Variants in PTPN4 observed in about 807,000 individuals in gnomAD.
PTPN4 encodes the protein tyrosine-protein phosphatase non-receptor type 4.
In PTPN4, 49 loss-of-function variants were observed where a neutral mutation model predicts 135.5. That is an observed-to-expected ratio of 0.36 (90% CI 0.29 to 0.46). The LOEUF is 0.46. Ranked by LOEUF, PTPN4 falls within the 20% of genes least tolerant of loss-of-function variation. The pLI, the probability that PTPN4 is intolerant of heterozygous loss-of-function variation, is 1.00. For missense variants in PTPN4, 860 were observed against 1,101.0 expected, an observed-to-expected ratio of 0.78 and a Z score of 3.10; for synonymous variants, 333 against 369.9, an observed-to-expected ratio of 0.90 and a Z score of 1.14.
intron 15 of PTPN4, among the ~76,000 whole-genome samples, chr2:119,939,494 T>G (rs1679031496): frequency 6.6e-6 from 1 of 152,132 alleles, no homozygotes; most frequent in South Asian, 2.1e-4. Flanking sequence ...GGAAACAGGG[T>G]TGCATCATGT....
chr2:119,773,313 C>T (rs1330943773), intron 1 of PTPN4, among the ~76,000 whole-genome samples: 1 of 151,922 alleles, frequency 6.6e-6, no homozygotes, highest in Non-Finnish European at 1.5e-5. Context: ...TGGATTTGAA[C>T]TGTGTGGGTC....
At chr2:119,843,405 G>A (rs1267573069) in intron 2 of PTPN4, among the ~76,000 whole-genome samples, 19 of 140,790 alleles carry the variant, frequency 1.3e-4, no homozygotes, top group Admixed American at 3.5e-4. Flanking sequence ...ACACAGACAC[G>A]GCAACCATCC....
chr2:119,861,518 A>G (rs775439009), intron 2 of PTPN4, among the ~76,000 whole-genome samples: 18 of 152,210 alleles, frequency 1.2e-4, no homozygotes, highest in Non-Finnish European at 2.2e-4. Flanking sequence ...TTTGTTTGCT[A>G]CTTATGTTAA....
At chr2:119,920,584 C>A (rs1170239442) in intron 12 of PTPN4, among the ~76,000 whole-genome samples, 1 of 152,136 alleles carries the variant, frequency 6.6e-6, no homozygotes, top group East Asian at 1.9e-4. Context: ...CTAAGACACC[C>A]AAGGTATCTT....
intron 2 of PTPN4, among the ~76,000 whole-genome samples, chr2:119,824,770 C>T (rs1574353908): frequency 6.6e-6 from 1 of 151,448 alleles, no homozygotes; most frequent in Non-Finnish European, 1.5e-5. Flanking sequence ...TCACTGCAGC[C>T]TCTGCCTCCC....
intron 3 of PTPN4, among the ~76,000 whole-genome samples, chr2:119,876,897 A>ATGTG (rs3835789): frequency 0.088 from 11,909 of 135,908 alleles, 566 homozygotes; most frequent in Middle Eastern, 0.15. Context: ...GCCCAAGAGC[A>ATGTG]TGTGTGTGTG....
chr2:119,838,306 C>A (rs576812428), intron 2 of PTPN4, among the ~76,000 whole-genome samples: 3 of 152,002 alleles, frequency 2.0e-5, no homozygotes, highest in African/African-American at 7.2e-5. Context: ...GTCAAGTGGG[C>A]GGAACAAGCC....
At position 119,967,777 on chromosome 2, in the gene PTPN4, G is replaced by A. The variant is rs553564095; in HGVS notation, c.2559-60G>A. Reference sequence around the variant, plus strand: ...TTATAATTCAGTTTTATGCACAAAAGCCACAAGTAGTTTAACAGAATAGTA... The same window carrying A: ...TTATAATTCAGTTTTATGCACAAAAACCACAAGTAGTTTAACAGAATAGTA... On this transcript the variant is annotated intron_variant, in intron 25 of 26. Coordinates refer to ENST00000263708, the MANE Select transcript of PTPN4 (RefSeq NM_002830.4). 78 of 1,375,204 alleles carry A rather than the reference G, an allele frequency of 5.7e-5. No individual in the cohort carries two copies. The South Asian group carries it at 1.3e-3, about 23-fold the overall frequency. 85.2% of individuals were successfully genotyped at this position (1,375,204 alleles called of 1,614,324 possible).
At chr2:119,930,756 T>C (rs978556959) in intron 13 of PTPN4, among the ~76,000 whole-genome samples, 6 of 152,096 alleles carry the variant, frequency 3.9e-5, no homozygotes, top group African/African-American at 1.4e-4. Flanking sequence ...TGTATCAGAA[T>C]TCTAATGTTA....
intron 2 of PTPN4, among the ~76,000 whole-genome samples, chr2:119,811,080 G>C (rs928016607): frequency 7.0e-4 from 107 of 152,120 alleles, no homozygotes; most frequent in African/African-American, 2.4e-3. Context: ...GGGCCAGTCG[G>C]GGGATTAGGG....
intron 10 of PTPN4, among the ~76,000 whole-genome samples, chr2:119,906,521 T>C (rs1394746294): frequency 2.0e-5 from 3 of 152,214 alleles, no homozygotes; most frequent in African/African-American, 7.2e-5. Context: ...CAAATATCAG[T>C]AAGTGAAATA....
intron 10 of PTPN4, 22 bp downstream of exon 10, chr2:119,900,828 T>C (rs1279212443): frequency 7.2e-7 from 1 of 1,389,114 alleles, no homozygotes; most frequent in Admixed American, 2.1e-5. Context: ...TATTGATACT[T>C]TTATGTTTAC....
chr2:119,875,231 G>A (rs577821995), intron 3 of PTPN4, among the ~76,000 whole-genome samples: 2 of 152,082 alleles, frequency 1.3e-5, no homozygotes, highest in African/African-American at 2.4e-5. Context: ...GCTTGTTATA[G>A]CACTGTTCCA....
At chr2:119,824,267 G>C (rs1375103746) in intron 2 of PTPN4, among the ~76,000 whole-genome samples, 1 of 152,136 alleles carries the variant, frequency 6.6e-6, no homozygotes, top group African/African-American at 2.4e-5. Context: ...AAGGATGTCT[G>C]TTCTACTCTT....
intron 9 of PTPN4, among the ~76,000 whole-genome samples, chr2:119,899,187 T>A (rs569840700): frequency 2.0e-5 from 3 of 152,218 alleles, no homozygotes; most frequent in Non-Finnish European, 2.9e-5. Flanking sequence ...TTGGACCTAC[T>A]GTCCACAATT....
intron 1 of PTPN4, among the ~76,000 whole-genome samples, chr2:119,792,697 A>G (rs974150210): frequency 6.6e-6 from 1 of 152,180 alleles, no homozygotes; most frequent in African/African-American, 2.4e-5. Flanking sequence ...AGCCCCCAAT[A>G]TTTCAACGTA....
intron 2 of PTPN4, among the ~76,000 whole-genome samples, chr2:119,845,863 C>T (rs1290625688): frequency 6.6e-6 from 1 of 152,118 alleles, no homozygotes; most frequent in South Asian, 2.1e-4. Flanking sequence ...ACCTGCATCC[C>T]ATCAAATGTG....
intron 25 of PTPN4, 145 bp downstream of exon 25, chr2:119,965,790 T>G: frequency 1.1e-6 from 1 of 943,790 alleles, no homozygotes; most frequent in Non-Finnish European, 1.5e-6. Flanking sequence ...AGGCAAAGGA[T>G]ATGTTCTAAC....
intron 15 of PTPN4, among the ~76,000 whole-genome samples, chr2:119,943,579 T>TC (rs1553473168): frequency 8.3e-6 from 1 of 120,838 alleles, no homozygotes; most frequent in Non-Finnish European, 1.7e-5. Context: ...TTCATTTTTT[T>TC]CTTTTTTTTT....
Sources: gnomAD v4.1 joint callset for allele counts (sites outside exome capture counted in the v4.1 genomes callset) on GRCh38, gnomAD v4.1.1 for gene constraint, MANE v1.5 for transcripts, NCBI Gene and HGNC (gene_info 2026-07-23, HGNC 2026-07-21) for gene names.